The following LINGO2 variants were observed in gnomAD, a reference collection of about 807,000 sequenced individuals.
The protein encoded by LINGO2 is leucine-rich repeat and immunoglobulin-like domain-containing nogo receptor-interacting protein 2.
In LINGO2, 14 loss-of-function variants were observed where a neutral mutation model predicts 30.6. The observed-to-expected ratio is 0.46, with a 90% CI of 0.30 to 0.72. The LOEUF is 0.72. Among genes scored for constraint, LINGO2 ranks in the 30% least tolerant of loss-of-function variants. LINGO2 has a pLI of 0.07. For synonymous variants in LINGO2, 317 were observed against 288.5 expected (o/e 1.10, Z -1.00); for missense variants, 729 against 751.7 (o/e 0.97, Z 0.35).
At position 28,148,565 on chromosome 9, in the gene LINGO2, CA is replaced by C. The variant is rs1490829940; in HGVS notation, c.-86-136161del. Reference sequence around the variant, plus strand: ...TTCCACCTCTAGGCCCCTGGAGACTCAGGGAAACTTCACTTCCTCCTGGTAC... The same window carrying C: ...TTCCACCTCTAGGCCCCTGGAGACTCGGGAAACTTCACTTCCTCCTGGTAC... On this transcript the variant is annotated intron_variant, in intron 4 of 5. Coordinates refer to ENST00000379992, the Ensembl canonical transcript of LINGO2. The surrounding 1 kb of genome is among the most constrained non-coding windows in gnomAD (Gnocchi z 5.1). 1 of 1,502,452 alleles carries C rather than the reference CA, an allele frequency of 6.7e-7. No individual in the cohort carries two copies. Among genetic ancestry groups the C allele is most frequent in the Non-Finnish European group, 8.9e-7 (1 of 1,117,816 alleles). 93.1% of individuals were successfully genotyped at this position (1,502,452 alleles called of 1,614,324 possible).
At chr9:28,565,526 G>C (rs1823330002) in intron 1 of LINGO2, among the ~76,000 whole-genome samples, 1 of 148,304 alleles carries the variant, frequency 6.7e-6, no homozygotes, top group South Asian at 2.1e-4. Flanking sequence ...CAGACATCTA[G>C]AGACAGAGAG....
chr9:28,964,476 C>T, the LINGO2 span, among the ~76,000 whole-genome samples: 2 of 152,040 alleles, frequency 1.3e-5, no homozygotes, highest in Non-Finnish European at 2.9e-5. Context: ...CAAAGCAGTT[C>T]TGCTTTTCTC....
rs148359404 is a variant in LINGO2 at position 28,164,895 on chromosome 9, C to T, written c.-87+130313G>A. Among the ~76,000 whole-genome samples the T allele has an allele frequency of 2.0e-3, 303 of 152,248 alleles. 1 individual carries two copies. Among genetic ancestry groups the T allele is most frequent in the African/African-American group, 7.1e-3 (293 of 41,542 alleles). On this transcript the variant is annotated intron_variant, in intron 4 of 5. Transcript: ENST00000379992. ...ACTTTGCACACCGATAAAGGGTTCC[C>T]ACTCATCATATCGAATTATTATTGG...
the LINGO2 span, among the ~76,000 whole-genome samples, chr9:29,121,595 GA>G: frequency 2.8e-4 from 43 of 151,788 alleles, no homozygotes; most frequent in Non-Finnish European, 4.7e-4. Context: ...AAATATTAGA[GA>G]AAAAGGAAAT....
the LINGO2 span, among the ~76,000 whole-genome samples, chr9:28,800,943 T>C: frequency 4.6e-5 from 7 of 152,146 alleles, no homozygotes; most frequent in South Asian, 6.2e-4. Flanking sequence ...TAAAAGCAGA[T>C]GGACAGTTAA....
chr9:29,209,590 C>A, the LINGO2 span, among the ~76,000 whole-genome samples: 1 of 152,008 alleles, frequency 6.6e-6, no homozygotes, highest in Non-Finnish European at 1.5e-5. Flanking sequence ...GATGGGTAAG[C>A]CTGATACCTG....
the LINGO2 span, among the ~76,000 whole-genome samples, chr9:28,733,021 A>G: frequency 6.6e-6 from 1 of 152,202 alleles, no homozygotes; most frequent in Non-Finnish European, 1.5e-5. Flanking sequence ...TGTATACTCC[A>G]TAATTATTAC....
intron 1 of LINGO2, among the ~76,000 whole-genome samples, chr9:28,665,033 A>G (rs947737403): frequency 1.2e-3 from 150 of 121,044 alleles, no homozygotes; most frequent in Admixed American, 2.2e-3. Flanking sequence ...ATATATATAT[A>G]TATATGTTAT....
the LINGO2 span, among the ~76,000 whole-genome samples, chr9:29,051,333 T>G: frequency 1.3e-5 from 2 of 152,184 alleles, no homozygotes; most frequent in Non-Finnish European, 2.9e-5. Flanking sequence ...ACAACTGATC[T>G]TTCACCATCT....
the LINGO2 span, among the ~76,000 whole-genome samples, chr9:28,773,025 A>C: frequency 6.6e-6 from 1 of 152,216 alleles, no homozygotes; most frequent in South Asian, 2.1e-4. Flanking sequence ...AATCACATAA[A>C]AGTGAAATGC....
intron 4 of LINGO2, among the ~76,000 whole-genome samples, chr9:28,225,765 A>G (rs1480021234): frequency 6.6e-6 from 1 of 152,194 alleles, no homozygotes; most frequent in Non-Finnish European, 1.5e-5. Context: ...AAGCAGGGAA[A>G]TATATTCAAT....
At chr9:28,502,550 C>T (rs560187197) in intron 1 of LINGO2, among the ~76,000 whole-genome samples, 3 of 152,124 alleles carry the variant, frequency 2.0e-5, no homozygotes, top group East Asian at 3.9e-4. Flanking sequence ...TTTAGCCGCA[C>T]AATGAACCCT....
chr9:29,115,424 A>G, the LINGO2 span, among the ~76,000 whole-genome samples: 1 of 152,050 alleles, frequency 6.6e-6, no homozygotes, highest in South Asian at 2.1e-4. Context: ...ACCAATCTTG[A>G]GTTTACCAGT....
At chr9:28,942,674 C>T in the LINGO2 span, among the ~76,000 whole-genome samples, 1 of 152,142 alleles carries the variant, frequency 6.6e-6, no homozygotes, top group Non-Finnish European at 1.5e-5. Flanking sequence ...TTCTTATTTG[C>T]TCCTTGTTCT....
At chr9:28,728,248 C>A in the LINGO2 span, among the ~76,000 whole-genome samples, 1 of 152,084 alleles carries the variant, frequency 6.6e-6, no homozygotes, top group African/African-American at 2.4e-5. Context: ...AACCCCCTCC[C>A]CTTCACTGTG....
intron 3 of LINGO2, among the ~76,000 whole-genome samples, chr9:28,351,063 G>C (rs1819856629): frequency 6.6e-6 from 1 of 151,860 alleles, no homozygotes; most frequent in South Asian, 2.1e-4. Flanking sequence ...ATCCAAAATT[G>C]GCACCCTAAC....
chr9:28,435,229 C>T (rs945510791), intron 2 of LINGO2, among the ~76,000 whole-genome samples: 1 of 152,068 alleles, frequency 6.6e-6, no homozygotes, highest in Non-Finnish European at 1.5e-5. Context: ...AAAACCTGTT[C>T]AATTTTACTG....
intron 1 of LINGO2, among the ~76,000 whole-genome samples, chr9:28,531,710 G>A (rs1449898620): frequency 6.6e-6 from 1 of 151,848 alleles, no homozygotes; most frequent in African/African-American, 2.4e-5. Flanking sequence ...CACTTTATTT[G>A]TATTAACATT....
At chr9:28,865,709 G>C in the LINGO2 span, among the ~76,000 whole-genome samples, 1 of 152,026 alleles carries the variant, frequency 6.6e-6, no homozygotes, top group Non-Finnish European at 1.5e-5. Flanking sequence ...TCTTTAACCC[G>C]GGAGGCAGAG....
Sources: allele counts gnomAD v4.1 joint callset (sites outside exome capture counted in the v4.1 genomes callset), GRCh38; gene constraint gnomAD v4.1.1; non-coding constraint Gnocchi (gnomAD v3.1); transcripts MANE v1.5; gene names NCBI Gene and HGNC (gene_info 2026-07-23, HGNC 2026-07-21).